The following KCNIP4 variants were observed in gnomAD, a reference collection of about 807,000 sequenced individuals.
The protein encoded by KCNIP4 is Kv channel-interacting protein 4.
A neutral mutation model predicts 34.0 loss-of-function variants in KCNIP4; 12 were observed. The observed-to-expected ratio is 0.35, with a 90% confidence interval of 0.23 to 0.57. KCNIP4 has a LOEUF of 0.57. Among genes scored for constraint, KCNIP4 ranks in the 20% least tolerant of loss-of-function variants. KCNIP4 has a pLI of 0.83. For missense variants in KCNIP4, 238 were observed against 311.7 expected (o/e 0.76, Z 1.78); for synonymous variants, 124 against 102.2 (o/e 1.21, Z -1.29).
intron 1 of KCNIP4, among the ~76,000 whole-genome samples, chr4:21,453,932 C>T (rs1728718585): frequency 1.3e-5 from 2 of 152,116 alleles, no homozygotes; most frequent in South Asian, 4.2e-4. Flanking sequence ...AAGTTTCATC[C>T]ATTTCTTCAT....
At chr4:21,927,308 C>G (rs759217312) in intron 1 of KCNIP4, among the ~76,000 whole-genome samples, 1 of 152,038 alleles carries the variant, frequency 6.6e-6, no homozygotes, top group African/African-American at 2.4e-5. Context: ...CCATTTGAGG[C>G]GACATATTCA....
chr4:21,484,383 C>A (rs180772558), intron 1 of KCNIP4, among the ~76,000 whole-genome samples: 1 of 151,632 alleles, frequency 6.6e-6, no homozygotes, highest in Non-Finnish European at 1.5e-5. Flanking sequence ...GGCGAGATCA[C>A]GCCATTGCAC....
At chr4:21,915,281 T>C (rs1345926992) in intron 1 of KCNIP4, among the ~76,000 whole-genome samples, 1 of 152,212 alleles carries the variant, frequency 6.6e-6, no homozygotes, top group East Asian at 1.9e-4. Flanking sequence ...TCCTGCTTTA[T>C]ACTAATCTAA....
intron 5 of KCNIP4, among the ~76,000 whole-genome samples, 193 bp from the exon 6 acceptor site, chr4:20,734,928 A>T (rs1749223895): frequency 6.6e-6 from 1 of 152,184 alleles, no homozygotes; most frequent in Non-Finnish European, 1.5e-5. Flanking sequence ...ACATTTTCAT[A>T]TTCTAATTGG....
intron 1 of KCNIP4, among the ~76,000 whole-genome samples, chr4:21,425,238 CTT>C (rs1453973282): frequency 6.6e-6 from 1 of 152,114 alleles, no homozygotes; most frequent in South Asian, 2.1e-4. Context: ...TACTACCTAA[CTT>C]AACTTTAAAA....
intron 1 of KCNIP4, among the ~76,000 whole-genome samples, chr4:21,481,362 T>G (rs1577434961): frequency 6.6e-6 from 1 of 152,108 alleles, no homozygotes; most frequent in Non-Finnish European, 1.5e-5. Context: ...CAGGAATCAC[T>G]GTCCAAAACA....
At chr4:20,816,353 C>T (rs1716388071) in intron 3 of KCNIP4, among the ~76,000 whole-genome samples, 2 of 151,446 alleles carry the variant, frequency 1.3e-5, no homozygotes, top group Non-Finnish European at 2.9e-5. Context: ...GTAGGGAGAA[C>T]ACTTTAGGGA....
At chr4:21,778,513 G>A (rs1181274376) in intron 1 of KCNIP4, among the ~76,000 whole-genome samples, 3 of 152,094 alleles carry the variant, frequency 2.0e-5, no homozygotes, top group Admixed American at 6.5e-5. Flanking sequence ...ACAGGTGTGA[G>A]CCACTGTGCT....
At chr4:20,929,082 A>C (rs1220307207) in intron 1 of KCNIP4, among the ~76,000 whole-genome samples, 1 of 152,046 alleles carries the variant, frequency 6.6e-6, no homozygotes, top group East Asian at 1.9e-4. Flanking sequence ...ATCACAAAAA[A>C]GAAAACTATA....
rs182629885 is a variant in KCNIP4, at chr4:20,947,404, T to C, written c.62-64695A>G. ...GGCTGGTCTCAAACTCCTGCCCTCATGTGGTCCACCTGCCTCGGCCTCCCA... is the reference window on the plus strand; with the variant it reads ...GGCTGGTCTCAAACTCCTGCCCTCACGTGGTCCACCTGCCTCGGCCTCCCA... On this transcript the variant is annotated intron_variant, in intron 1 of 8. Coordinates refer to ENST00000382152, the MANE Select transcript of KCNIP4 (RefSeq NM_025221.6). Among the ~76,000 whole-genome samples the C allele has an allele frequency of 1.2e-3, 184 of 152,110 alleles. 3 individuals carry two copies. The East Asian group carries it at 0.028, about 23-fold the overall frequency.
intron 1 of KCNIP4, among the ~76,000 whole-genome samples, chr4:21,505,471 A>T (rs1368511944): frequency 1.3e-5 from 2 of 152,196 alleles, no homozygotes; most frequent in Non-Finnish European, 2.9e-5. Flanking sequence ...TGCAGGTGCC[A>T]TGCTGTTTCA....
chr4:21,132,410 T>C (rs976272669), intron 1 of KCNIP4, among the ~76,000 whole-genome samples: 5 of 152,222 alleles, frequency 3.3e-5, no homozygotes, highest in Non-Finnish European at 7.3e-5. Context: ...ATTTATCCTC[T>C]TGGATACTGG....
chr4:20,848,488 A>C (rs1416905851), intron 3 of KCNIP4, among the ~76,000 whole-genome samples: 2 of 41,966 alleles, frequency 4.8e-5, no homozygotes, highest in Admixed American at 2.2e-4. Flanking sequence ...TATGGGCAAC[A>C]AAAAAAAACA....
intron 1 of KCNIP4, among the ~76,000 whole-genome samples, chr4:20,920,444 G>A (rs1013285136): frequency 1.3e-5 from 2 of 152,128 alleles, no homozygotes; most frequent in African/African-American, 4.8e-5. Context: ...ATGCAACCCA[G>A]ACACATTATG....
At chr4:20,885,893 A>C (rs1725253013) in intron 1 of KCNIP4, among the ~76,000 whole-genome samples, 1 of 152,020 alleles carries the variant, frequency 6.6e-6, no homozygotes, top group Non-Finnish European at 1.5e-5. Flanking sequence ...CTTTCTCTTC[A>C]TCTGGTTAAT....
intron 1 of KCNIP4, among the ~76,000 whole-genome samples, chr4:21,228,305 C>G (rs1413095901): frequency 2.0e-5 from 3 of 152,148 alleles, no homozygotes; most frequent in African/African-American, 4.8e-5. Context: ...GTTGCTATCT[C>G]TCTCCTGCTC....
chr4:21,515,685 C>T (rs1164496757), intron 1 of KCNIP4, among the ~76,000 whole-genome samples: 1 of 152,080 alleles, frequency 6.6e-6, no homozygotes, highest in Non-Finnish European at 1.5e-5. Flanking sequence ...ATAAAGGCTT[C>T]AGTCTCATAA....
chr4:20,804,238 A>G (rs1714780781), intron 3 of KCNIP4, among the ~76,000 whole-genome samples: 1 of 152,214 alleles, frequency 6.6e-6, no homozygotes, highest in South Asian at 2.1e-4. Flanking sequence ...ACCAAGGCAC[A>G]CAGTAATCCA....
chr4:21,303,920 A>G, intron 1 of KCNIP4: 1 of 1,613,684 alleles, frequency 6.2e-7, no homozygotes, highest in South Asian at 1.1e-5. Context: ...CAGCTAGGTC[A>G]TGGTCCGACC....
Sources: allele counts gnomAD v4.1 joint callset (sites outside exome capture counted in the v4.1 genomes callset), GRCh38; gene constraint gnomAD v4.1.1; transcripts MANE v1.5; gene names NCBI Gene and HGNC (gene_info 2026-07-23, HGNC 2026-07-21).